OTUD7A: variants seen among roughly 807,000 people sequenced by gnomAD.
The protein encoded by OTUD7A is OTU domain-containing protein 7A.
Under a neutral mutation model 65.7 loss-of-function variants are expected in OTUD7A, and 12 were observed. That is an observed-to-expected ratio of 0.18 (90% CI 0.12 to 0.30). The LOEUF (loss-of-function observed/expected upper bound fraction) is 0.30. Among genes scored for constraint, OTUD7A ranks in the 10% least tolerant of loss-of-function variants. The pLI is 1.00. For synonymous variants in OTUD7A, 641 were observed against 586.3 expected (o/e 1.09, Z -1.35); for missense variants, 1,148 against 1,304.8 (o/e 0.88, Z 1.85).
chr15:31,511,062 T>C lies in OTUD7A; in HGVS notation c.894-7244A>G, dbSNP rs528958514. 1.5e-3 allele frequency among the ~76,000 whole-genome samples: 106 copies of C among 69,914 alleles called. 36 individuals carry two copies. Among genetic ancestry groups the C allele is most frequent in the Non-Finnish European group, 1.9e-3 (77 of 41,588 alleles). The allele number at this position is 69,914 out of a possible 152,430, so 45.9% of individuals were successfully genotyped here. A position where few individuals can be genotyped will look rare whatever the true frequency, so the allele number is the denominator to read the frequency against. On this transcript the variant is annotated intron_variant, in intron 8 of 12. Transcript: ENST00000307050. Reference sequence around the variant, plus strand: ...CATACATGTATATCTATATGTAACATACATATATATGTATATCTATATGTA... The same window carrying C: ...CATACATGTATATCTATATGTAACACACATATATATGTATATCTATATGTA...
chr15:31,699,301 A>G (rs961436834), intron 1 of OTUD7A, among the ~76,000 whole-genome samples: 1 of 152,042 alleles, frequency 6.6e-6, no homozygotes, highest in African/African-American at 2.4e-5. Flanking sequence ...GGATGGTCTC[A>G]ATCTCCTGAC....
intron 1 of OTUD7A, among the ~76,000 whole-genome samples, chr15:31,719,863 CTCCCTGAAAGTG>C (rs1178215326): frequency 6.6e-6 from 1 of 152,190 alleles, no homozygotes; most frequent in East Asian, 1.9e-4. Context: ...CCTCTGGCTA[CTCCCTGAAAGTG>C]TCCCCTCACC....
chr15:31,864,760 T>TACACACACACACAC, intron 1 of OTUD7A, among the ~76,000 whole-genome samples: 1 of 146,576 alleles, frequency 6.8e-6, no homozygotes, highest in South Asian at 2.2e-4. Flanking sequence ...CTCCTCTTCC[T>TACACACACACACAC]ACACACACAC....
intron 1 of OTUD7A, among the ~76,000 whole-genome samples, chr15:31,667,107 T>C (rs1288528017): frequency 6.6e-6 from 1 of 152,218 alleles, no homozygotes; most frequent in African/African-American, 2.4e-5. Context: ...CATTCCGTGG[T>C]TGTCGGATGA....
intron 3 of OTUD7A, among the ~76,000 whole-genome samples, chr15:31,639,835 G>C (rs4369619): frequency 0.24 from 36,079 of 151,856 alleles, 4,693 homozygotes; most frequent in African/African-American, 0.34. Context: ...TCTGTTCAAA[G>C]CTTTTGCTTA....
chr15:31,803,658 C>T (rs1896192142), intron 1 of OTUD7A, among the ~76,000 whole-genome samples: 2 of 152,152 alleles, frequency 1.3e-5, no homozygotes, highest in Non-Finnish European at 2.9e-5. Flanking sequence ...CATTATGACT[C>T]GGAAGACTGG....
intron 1 of OTUD7A, among the ~76,000 whole-genome samples, chr15:31,763,068 A>C (rs1895011167): frequency 1.3e-5 from 2 of 152,186 alleles, no homozygotes; most frequent in South Asian, 4.1e-4. Context: ...GGATCACCTG[A>C]GGTCAGGAGT....
intron 1 of OTUD7A, among the ~76,000 whole-genome samples, chr15:31,823,358 CAT>C (rs754816079): frequency 2.2e-4 from 34 of 152,314 alleles, no homozygotes; most frequent in African/African-American, 7.7e-4. Context: ...GAGCATTCCA[CAT>C]GTTAGCCAGT....
Position 31,487,133 on chromosome 15 carries a change from G to C in OTUD7A, c.1371+61C>G, listed in dbSNP as rs1211353534. 1.3e-6 allele frequency: 2 copies of C among 1,519,796 alleles called. No homozygotes were observed. The highest frequency in any genetic ancestry group is 1.4e-5 in the African/African-American group (1 of 72,832). 94.1% of individuals were successfully genotyped at this position (1,519,796 alleles called of 1,614,324 possible). On this transcript the variant is annotated intron_variant, in intron 12 of 12. Coordinates refer to ENST00000307050, the MANE Select transcript of OTUD7A (RefSeq NM_001382637.1). The surrounding 1 kb of genome is among the most constrained non-coding windows in gnomAD (Gnocchi z 6.0). ...CATTTGGGAGGATGCACCCTGGTCA[G>C]ACTGGAGCTGAGCAGCCTGGACCCT...
intron 3 of OTUD7A, among the ~76,000 whole-genome samples, chr15:31,627,571 A>G (rs2141244933): frequency 6.6e-6 from 1 of 152,208 alleles, no homozygotes; most frequent in East Asian, 1.9e-4. Context: ...GTGTCTTTAT[A>G]GCAGCATGAT....
At chr15:31,794,024 C>G (rs1308916263) in intron 1 of OTUD7A, among the ~76,000 whole-genome samples, 1 of 152,092 alleles carries the variant, frequency 6.6e-6, no homozygotes, top group African/African-American at 2.4e-5. Context: ...TTTTAAAAAC[C>G]CTTCTACATC....
Position 31,867,951 on chromosome 15 carries a change from A to T in OTUD7A, c.-100+2556T>A, listed in dbSNP as rs538596567. 5.8e-4 allele frequency among the ~76,000 whole-genome samples: 89 copies of T among 152,266 alleles called. 3 individuals carry two copies. The South Asian group carries it at 0.018, about 31-fold the overall frequency. Reference sequence around the variant, plus strand: ...GGGCGGAGCACACCGGCGCACACACATGCACCCACCTCAACTTGGAGATCC... The same window carrying T: ...GGGCGGAGCACACCGGCGCACACACTTGCACCCACCTCAACTTGGAGATCC... On this transcript the variant is annotated intron_variant, in intron 1 of 12. Coordinates refer to ENST00000307050, the MANE Select transcript of OTUD7A (RefSeq NM_001382637.1).
chr15:31,615,503 T>C (rs1213219063), intron 3 of OTUD7A, among the ~76,000 whole-genome samples: 1 of 152,104 alleles, frequency 6.6e-6, no homozygotes, highest in Non-Finnish European at 1.5e-5. Flanking sequence ...ACGATCATAG[T>C]TGGAGGTTTT....
At chr15:31,570,478 CACACACACAT>C (rs1430629910) in intron 3 of OTUD7A, among the ~76,000 whole-genome samples, 3 of 139,804 alleles carry the variant, frequency 2.1e-5, no homozygotes, top group Non-Finnish European at 4.8e-5. Context: ...CACACACACA[CACACACACAT>C]CTAAACACTG....
At chr15:31,854,900 A>T (rs1897527410) in intron 1 of OTUD7A, among the ~76,000 whole-genome samples, 1 of 152,216 alleles carries the variant, frequency 6.6e-6, no homozygotes, top group Admixed American at 6.5e-5. Context: ...AAGAAATAAA[A>T]ATTAAAATAA....
intron 3 of OTUD7A, among the ~76,000 whole-genome samples, chr15:31,581,063 G>T (rs1889357220): frequency 6.6e-6 from 1 of 152,154 alleles, no homozygotes; most frequent in Admixed American, 6.5e-5. Context: ...TACAATGGGG[G>T]TACATGCAAT....
intron 8 of OTUD7A, among the ~76,000 whole-genome samples, chr15:31,523,285 A>G (rs2041962944): frequency 6.6e-6 from 1 of 152,176 alleles, no homozygotes; most frequent in Non-Finnish European, 1.5e-5. Context: ...CGGCACAGGC[A>G]GGGAGGAGGG....
chr15:31,719,849 A>G (rs1189006004), intron 1 of OTUD7A, among the ~76,000 whole-genome samples: 3 of 150,386 alleles, frequency 2.0e-5, no homozygotes, highest in Non-Finnish European at 4.4e-5. Flanking sequence ...CCACCAGCAC[A>G]CTCCCTCTGG....
chr15:31,483,510 G>C lies in OTUD7A; in HGVS notation c.2586C>G (p.Phe862Leu). 7.2e-7 allele frequency: 1 copy of C among 1,395,690 alleles called. No individual in the cohort carries two copies. The highest frequency in any genetic ancestry group is 9.3e-7 in the Non-Finnish European group (1 of 1,072,530). The allele number at this position is 1,395,690 out of a possible 1,614,324, so 86.5% of individuals were successfully genotyped here. A position where few individuals can be genotyped will look rare whatever the true frequency, so the allele number is the denominator to read the frequency against. The change falls in exon 13 of 13, where the codon TTC becomes TTG. Residue 862 changes from phenylalanine to leucine, a missense_variant. Phe to Leu is a conservative substitution (Grantham distance 22). This residue lies in a region of OTUD7A where 842 missense variants were observed against 769.5 expected (regional missense o/e 1.09). Coordinates refer to ENST00000307050, the MANE Select transcript of OTUD7A (RefSeq NM_001382637.1). ...EHKSQTYTNG[F>L]GALRDGLEFA... ...ACTCCAGGCCGTCGCGCAGGGCGCC[G>C]AAGCCGTTGGTGTAGGTCTGCGACT...
Sources: gnomAD v4.1 joint callset for allele counts (sites outside exome capture counted in the v4.1 genomes callset) on GRCh38, gnomAD v4.1.1 for gene constraint, gnomAD v4.1.1 regional missense constraint, Gnocchi (gnomAD v3.1) non-coding constraint, MANE v1.5 for transcripts, NCBI Gene and HGNC (gene_info 2026-07-23, HGNC 2026-07-21) for gene names.